The following VAX2 variants were observed in gnomAD, a reference collection of about 807,000 sequenced individuals.
VAX2 encodes ventral anterior homeobox 2.
A neutral mutation model predicts 12.5 loss-of-function variants in VAX2; 8 were observed. That is an observed-to-expected ratio of 0.64 (90% CI 0.37 to 1.15). The LOEUF is 1.15. Among genes scored for constraint, VAX2 ranks in the 50% most tolerant of loss-of-function variants. VAX2 has a pLI of 0.01. For synonymous variants in VAX2, 183 were observed against 187.6 expected, an observed-to-expected ratio of 0.98 and a Z score of 0.20; for missense variants, 476 against 412.9, an observed-to-expected ratio of 1.15 and a Z score of -1.32.
intron 2 of VAX2, among the ~76,000 whole-genome samples, chr2:70,926,382 G>A (rs566971146): frequency 6.6e-6 from 1 of 152,310 alleles, no homozygotes; most frequent in South Asian, 2.1e-4. Flanking sequence ...ACCTTTGTCA[G>A]CCCAAGGGTA....
intron 2 of VAX2, among the ~76,000 whole-genome samples, chr2:70,921,738 A>G (rs1679463460): frequency 6.6e-6 from 1 of 151,828 alleles, no homozygotes; most frequent in South Asian, 2.1e-4. Flanking sequence ...ACCCTCCATC[A>G]CCTTCCCTTC....
At chr2:70,908,782 G>A (rs1296959665) in intron 1 of VAX2, among the ~76,000 whole-genome samples, 3 of 152,156 alleles carry the variant, frequency 2.0e-5, no homozygotes, top group African/African-American at 2.4e-5. Flanking sequence ...TGCCACCAGC[G>A]ATGTCTGAAA....
In VAX2 at chr2:70,921,247, A is replaced by G; in HGVS notation, c.397A>G (p.Thr133Ala). 2 of 1,612,974 alleles carry G rather than the reference A, an allele frequency of 1.2e-6. No individual in the cohort carries two copies. The highest frequency in any genetic ancestry group is 1.7e-6 in the Non-Finnish European group (2 of 1,179,696). ...CCAGTATGTGGTGGGCCGCGAGCGC[A>G]CTGAGCTGGCCCGCCAGCTGAACCT... is the stretch of plus-strand genomic sequence containing the variant. ...RCQYVVGRER[T>A]ELARQLNLSE... The change falls in exon 2 of 3, where the codon ACT becomes GCT. Residue 133 changes from threonine (T) to alanine (A), a missense_variant. Thr to Ala is a moderately conservative substitution (Grantham distance 58). Coordinates refer to ENST00000234392, the MANE Select transcript of VAX2 (RefSeq NM_012476.3).
intron 2 of VAX2, among the ~76,000 whole-genome samples, chr2:70,930,915 G>A (rs964243817): frequency 6.6e-6 from 1 of 152,244 alleles, no homozygotes; most frequent in African/African-American, 2.4e-5. Context: ...GCGAGGAGCA[G>A]GGTTGGCCTC....
At chr2:70,914,662 T>C (rs1679268399) in intron 1 of VAX2, among the ~76,000 whole-genome samples, 1 of 152,208 alleles carries the variant, frequency 6.6e-6, no homozygotes, top group African/African-American at 2.4e-5. Context: ...GGCTTTCCAT[T>C]GTTGCTGGAA....
At position 70,904,727 on chromosome 2, in the gene VAX2, G is replaced by T. The variant is rs1553410348; in HGVS notation, c.247+3859G>T. 6.6e-6 allele frequency among the ~76,000 whole-genome samples: 1 copy of T among 152,242 alleles called. No homozygotes were observed. The highest frequency in any genetic ancestry group is 1.5e-5 in the Non-Finnish European group (1 of 68,044). On this transcript the variant is annotated intron_variant, in intron 1 of 2. Coordinates refer to ENST00000234392, the MANE Select transcript of VAX2 (RefSeq NM_012476.3). The surrounding 1 kb of genome is among the most constrained non-coding windows in gnomAD (Gnocchi z 4.2). ...GCAAAAACGCTTTCACCCGGGAGCT[G>T]CATGGATGCGCGGATGGCTGGGGGC...
intron 2 of VAX2, among the ~76,000 whole-genome samples, chr2:70,923,472 T>A (rs888702946): frequency 6.6e-6 from 1 of 152,214 alleles, no homozygotes; most frequent in African/African-American, 2.4e-5. Context: ...ATACTGACAC[T>A]AATTCCCAGA....
rs1679746922 is a variant in VAX2, at chr2:70,933,221, C to T, written c.*17C>T. The T allele has an allele frequency of 1.3e-6, 2 of 1,500,916 alleles. No individual in the cohort carries two copies. The highest frequency in any genetic ancestry group is 1.4e-5 in the African/African-American group (1 of 71,310). The allele number at this position is 1,500,916 out of a possible 1,614,324, so 93.0% of individuals were successfully genotyped here. A position where few individuals can be genotyped will look rare whatever the true frequency, so the allele number is the denominator to read the frequency against. ...AACACTTAAGACTCCCACCCTGTGACACTGAGTCCCGAGCACAGCACCTTC... is the reference window on the plus strand; with the variant it reads ...AACACTTAAGACTCCCACCCTGTGATACTGAGTCCCGAGCACAGCACCTTC... On this transcript the variant is annotated 3_prime_UTR_variant, in exon 3 of 3. Transcript: ENST00000234392.
chr2:70,917,474 CT>C, intron 1 of VAX2, among the ~76,000 whole-genome samples: 1 of 152,122 alleles, frequency 6.6e-6, no homozygotes, highest in East Asian at 1.9e-4. Flanking sequence ...TTTTCCATTC[CT>C]ACCAGCAATG....
chr2:70,914,563 A>T (rs192281570), intron 1 of VAX2, among the ~76,000 whole-genome samples: 160 of 151,498 alleles, frequency 1.1e-3, no homozygotes, highest in African/African-American at 3.6e-3. Flanking sequence ...ATAGGAGTGT[A>T]GATTTCCCTA....
At chr2:70,911,027 C>T (rs1679171047) in intron 1 of VAX2, among the ~76,000 whole-genome samples, 1 of 151,980 alleles carries the variant, frequency 6.6e-6, no homozygotes, top group Non-Finnish European at 1.5e-5. Context: ...ATTCCCTAGT[C>T]TTTTCACCAA....
intron 1 of VAX2, among the ~76,000 whole-genome samples, chr2:70,905,264 G>T (rs1168592619): frequency 1.3e-5 from 2 of 152,174 alleles, no homozygotes; most frequent in Non-Finnish European, 2.9e-5. Context: ...TTCATGCAAG[G>T]AATTGCACTT....
chr2:70,900,917 A>G (rs1185548251), intron 1 of VAX2, 49 bp downstream of exon 1: 4 of 1,285,188 alleles, frequency 3.1e-6, no homozygotes, highest in Non-Finnish European at 3.9e-6. Context: ...CACCCTACCC[A>G]TACTGGGGCC....
At chr2:70,925,583 G>A (rs1553413428) in intron 2 of VAX2, among the ~76,000 whole-genome samples, 1 of 152,086 alleles carries the variant, frequency 6.6e-6, no homozygotes, top group Admixed American at 6.6e-5. Flanking sequence ...TTGGGGGGAG[G>A]GCTGGTTTTT....
At position 70,933,109 on chromosome 2, in the gene VAX2, G is replaced by C; in HGVS notation, c.778G>C (p.Ala260Pro). Reference protein sequence around the residue: ...FSSAPLLDLPAGYELGSSAFE... With the variant: ...FSSAPLLDLPPGYELGSSAFE... ...CTCGGCCCCGCTCCTGGATCTGCCT[G>C]CCGGCTACGAACTGGGTTCCTCGGC... The change falls in exon 3 of 3, where the codon GCC becomes CCC. Residue 260 changes from alanine (A) to proline (P), a missense_variant. By Grantham distance (27) the Ala-to-Pro change is conservative. Transcript: ENST00000234392. 1 of 1,609,512 alleles carries C rather than the reference G, an allele frequency of 6.2e-7. No individual in the cohort carries two copies. Among genetic ancestry groups the C allele is most frequent in the African/African-American group, 1.3e-5 (1 of 74,978 alleles).
chr2:70,917,306 A>G (rs1247498097), intron 1 of VAX2, among the ~76,000 whole-genome samples: 1 of 141,748 alleles, frequency 7.1e-6, no homozygotes, highest in East Asian at 2.0e-4. Context: ...TGGGGGATAG[A>G]GCGAGACTCT....
At chr2:70,917,282 A>G (rs888593203) in intron 1 of VAX2, among the ~76,000 whole-genome samples, 22 of 151,996 alleles carry the variant, frequency 1.4e-4, no homozygotes, top group African/African-American at 5.3e-4. Context: ...AGATTGCACC[A>G]CTGCACTCCA....
chr2:70,929,261 A>AC (rs1193753475), intron 2 of VAX2, among the ~76,000 whole-genome samples: 3 of 151,632 alleles, frequency 2.0e-5, no homozygotes, highest in Admixed American at 6.6e-5. Flanking sequence ...CAAAACAGTC[A>AC]CCCCCCTCCT....
At chr2:70,905,232 A>C (rs1300238508) in intron 1 of VAX2, among the ~76,000 whole-genome samples, 1 of 152,208 alleles carries the variant, frequency 6.6e-6, no homozygotes, top group Non-Finnish European at 1.5e-5. Context: ...CCCCCAAGGC[A>C]GACGTGGAAA....
Sources: allele counts gnomAD v4.1 joint callset (sites outside exome capture counted in the v4.1 genomes callset), GRCh38; gene constraint gnomAD v4.1.1; non-coding constraint Gnocchi (gnomAD v3.1); transcripts MANE v1.5; gene names NCBI Gene and HGNC (gene_info 2026-07-23, HGNC 2026-07-21).